The following PACSIN2 variants were observed in gnomAD, a reference collection of about 807,000 sequenced individuals.
PACSIN2 encodes protein kinase C and casein kinase substrate in neurons protein 2.
In PACSIN2, 25 loss-of-function variants were observed where a neutral mutation model predicts 63.8. The ratio of observed to expected loss-of-function variants is 0.39; its 90% CI spans 0.29 to 0.55. The LOEUF is 0.55. PACSIN2 is among the 20% of genes least tolerant of loss of function. PACSIN2 has a pLI of 0.62. For missense variants in PACSIN2, 518 were observed against 646.9 expected (o/e 0.80, Z 2.16); for synonymous variants, 255 against 256.2 (o/e 1.00, Z 0.05).
At position 42,974,776 on chromosome 22, in the gene PACSIN2, G is replaced by GAGA. The variant is rs1322238986; in HGVS notation, c.-78+40242_-78+40244dup. Among the ~76,000 whole-genome samples the GAGA allele has an allele frequency of 2.3e-3, 334 of 147,850 alleles. 1 individual carries two copies. Among genetic ancestry groups the GAGA allele is most frequent in the Non-Finnish European group, 3.9e-3 (266 of 67,404 alleles). The stretch of plus-strand genomic sequence containing the variant: ...AAAAAAAAAAAAAAAGAAAAGAAAA[G>GAGA]AGAAGAAGGAGGAGGAGGAGGAGGA... On this transcript the variant is annotated intron_variant, in intron 1 of 10. Transcript: ENST00000263246.
Position 42,935,368 on chromosome 22 carries a change from G to A in PACSIN2, c.-77-23211C>T, listed in dbSNP as rs115301482. Among the ~76,000 whole-genome samples, 906 of 152,188 alleles carry A rather than the reference G, an allele frequency of 6.0e-3. 6 individuals carry two copies. The highest frequency in any genetic ancestry group is 0.021 in the African/African-American group (865 of 41,528). On this transcript the variant is annotated intron_variant, in intron 1 of 10. Coordinates refer to ENST00000263246, the MANE Select transcript of PACSIN2 (RefSeq NM_001184970.3). ...TCCTTTTCCCATGGGGCGGGGTGGGGGGAAGAAGGCTCTCCTGCACAGACT... is the reference window on the plus strand; with the variant it reads ...TCCTTTTCCCATGGGGCGGGGTGGGAGGAAGAAGGCTCTCCTGCACAGACT...
intron 1 of PACSIN2, among the ~76,000 whole-genome samples, chr22:42,932,751 T>TA (rs552740061): frequency 0.062 from 8,502 of 136,694 alleles, 567 homozygotes; most frequent in African/African-American, 0.17. Context: ...AAGTCAATTC[T>TA]AAAAAAAAAA....
At chr22:42,978,692 G>A (rs1464141650) in intron 1 of PACSIN2, among the ~76,000 whole-genome samples, 1 of 152,174 alleles carries the variant, frequency 6.6e-6, no homozygotes, top group Non-Finnish European at 1.5e-5. Flanking sequence ...GCCTGCAGAC[G>A]TTCAGGTGGA....
chr22:42,886,101 G>A (rs1226493142), intron 5 of PACSIN2, among the ~76,000 whole-genome samples: 2 of 152,112 alleles, frequency 1.3e-5, no homozygotes, highest in African/African-American at 4.8e-5. Context: ...GGTACTCAGT[G>A]GCAACAAGAT....
At chr22:42,924,312 A>G (rs1932393330) in intron 1 of PACSIN2, among the ~76,000 whole-genome samples, 1 of 152,162 alleles carries the variant, frequency 6.6e-6, no homozygotes, top group South Asian at 2.1e-4. Flanking sequence ...AGCTTCCCAC[A>G]GTAACTCAGT....
chr22:42,982,869 T>TTAAAAA (rs1922285238), intron 1 of PACSIN2, among the ~76,000 whole-genome samples: 5 of 44,008 alleles, frequency 1.1e-4, no homozygotes, highest in African/African-American at 2.0e-4. Context: ...GAATGATCAA[T>TTAAAAA]AAAAAAAAAA....
intron 1 of PACSIN2, among the ~76,000 whole-genome samples, chr22:42,937,982 C>T (rs376814426): frequency 6.6e-5 from 10 of 152,294 alleles, no homozygotes; most frequent in African/African-American, 2.4e-4. Context: ...GTTGATTTTT[C>T]CCAGCTAACT....
At chr22:42,936,674 G>C (rs780302511) in intron 1 of PACSIN2, among the ~76,000 whole-genome samples, 13 of 152,166 alleles carry the variant, frequency 8.5e-5, no homozygotes, top group Non-Finnish European at 1.8e-4. Context: ...ACTTTGGAAG[G>C]TCCAACTGGG....
At chr22:42,978,111 A>G (rs538673602) in intron 1 of PACSIN2, among the ~76,000 whole-genome samples, 2 of 152,194 alleles carry the variant, frequency 1.3e-5, no homozygotes, top group South Asian at 4.1e-4. Flanking sequence ...TCATCCCACA[A>G]TGAGCACCTA....
intron 1 of PACSIN2, among the ~76,000 whole-genome samples, chr22:42,980,748 C>T (rs1227112479): frequency 2.0e-5 from 2 of 99,044 alleles, no homozygotes; most frequent in Non-Finnish European, 4.1e-5. Context: ...CTCGGCCTCC[C>T]GAGGTGCCGG....
chr22:42,995,743 C>G (rs1339206164), intron 1 of PACSIN2, among the ~76,000 whole-genome samples: 1 of 152,138 alleles, frequency 6.6e-6, no homozygotes, highest in African/African-American at 2.4e-5. Context: ...CCATGTTTTC[C>G]TCCTTGAGAA....
Position 42,930,280 on chromosome 22 carries a change from C to T in PACSIN2, c.-77-18123G>A, listed in dbSNP as rs561550334. On this transcript the variant is annotated intron_variant, in intron 1 of 10. Coordinates refer to ENST00000263246, the MANE Select transcript of PACSIN2 (RefSeq NM_001184970.3). ...AGGGTCTCTGTGACATGCAGCCTAA[C>T]TCACACACTTTCCTGCTACCTGTGC... Among the ~76,000 whole-genome samples the T allele has an allele frequency of 3.3e-5, 5 of 152,338 alleles. No individual in the cohort carries two copies. The East Asian group carries it at 5.8e-4, about 18-fold the overall frequency.
chr22:42,871,069 CAA>C lies in PACSIN2; in HGVS notation c.*286_*287del. The C allele has an allele frequency of 7.1e-6, 3 of 424,768 alleles. 1 individual carries two copies. In the South Asian group the frequency reaches 9.4e-5, roughly 13 times the overall value. The allele number at this position is 424,768 out of a possible 1,614,324, so 26.3% of individuals were successfully genotyped here. On this transcript the variant is annotated 3_prime_UTR_variant, in exon 11 of 11. Transcript: ENST00000263246. This position sits in a 1 kb window ranked among gnomAD's most constrained non-coding sequence, Gnocchi z 5.4. Reference sequence around the variant, plus strand: ...CCACCATTGACTCGGAAAGGAGAGACAAAGTCAAGAACATAGAGATCTATGAT... The same window carrying C: ...CCACCATTGACTCGGAAAGGAGAGACAGTCAAGAACATAGAGATCTATGAT...
intron 1 of PACSIN2, among the ~76,000 whole-genome samples, chr22:42,960,129 A>G (rs545985293): frequency 3.3e-5 from 5 of 152,246 alleles, no homozygotes; most frequent in East Asian, 3.9e-4. Context: ...TCCCCAACAC[A>G]CAAAAAATCA....
chr22:42,909,773 T>C (rs574747180), intron 2 of PACSIN2, among the ~76,000 whole-genome samples: 1 of 152,358 alleles, frequency 6.6e-6, no homozygotes, highest in East Asian at 1.9e-4. Flanking sequence ...GAATGTTTTT[T>C]AACAAGCAGC....
intron 1 of PACSIN2, among the ~76,000 whole-genome samples, chr22:42,959,366 A>G (rs1483411933): frequency 6.6e-6 from 1 of 152,228 alleles, no homozygotes; most frequent in Non-Finnish European, 1.5e-5. Context: ...TAACTCAAGT[A>G]ACTCATTTAG....
chr22:42,912,034 T>A lies in PACSIN2; in HGVS notation c.47A>T (p.Asp16Val). ...DDSVGVEVSS[D>V]SFWEVGNYKR... ...CAGGTGCATTACCTCCCAGAAGCTGTCGCTGGACACTTCTACTCCAACGGA... is the reference window on the plus strand; with the variant it reads ...CAGGTGCATTACCTCCCAGAAGCTGACGCTGGACACTTCTACTCCAACGGA... Residue 16 changes from aspartate (D) to valine (V), a missense_variant, in exon 2 of 11, where the codon GAC becomes GTC. Physicochemically the swap from Asp to Val is radical, Grantham distance 152. Around this residue, in one of 2 missense-constraint regions of PACSIN2, gnomAD observed 507 missense variants for 612.3 expected, o/e 0.83. Coordinates refer to ENST00000263246, the MANE Select transcript of PACSIN2 (RefSeq NM_001184970.3). 7 of 1,606,424 alleles carry A rather than the reference T, an allele frequency of 4.4e-6. No individual in the cohort carries two copies. Among genetic ancestry groups the A allele is most frequent in the Non-Finnish European group, 5.9e-6 (7 of 1,176,720 alleles).
At chr22:42,922,152 G>A (rs1159803879) in intron 1 of PACSIN2, among the ~76,000 whole-genome samples, 4 of 152,218 alleles carry the variant, frequency 2.6e-5, no homozygotes, top group Non-Finnish European at 5.9e-5. Context: ...TAAGTACAGT[G>A]AGTCAGAGCC....
chr22:42,952,900 A>G (rs193069876), intron 1 of PACSIN2, among the ~76,000 whole-genome samples: 110 of 152,200 alleles, frequency 7.2e-4, no homozygotes, highest in African/African-American at 2.5e-3. Context: ...TCCTGACCTC[A>G]AGTGATCCAC....
Sources: allele counts gnomAD v4.1 joint callset (sites outside exome capture counted in the v4.1 genomes callset), GRCh38; gene constraint gnomAD v4.1.1; regional missense constraint gnomAD v4.1.1; non-coding constraint Gnocchi (gnomAD v3.1); transcripts MANE v1.5; gene names NCBI Gene and HGNC (gene_info 2026-07-23, HGNC 2026-07-21).